The following SLC35F2 variants were observed in gnomAD, a reference collection of about 807,000 sequenced individuals.
SLC35F2 encodes queuine/queuosine transporter SLC35F2.
In SLC35F2, 25 loss-of-function variants were observed where a neutral mutation model predicts 38.1. That is an observed-to-expected ratio of 0.66 (90% CI 0.48 to 0.92). The LOEUF (loss-of-function observed/expected upper bound fraction) is 0.92. Ranked by LOEUF, SLC35F2 falls within the 40% of genes least tolerant of loss-of-function variation. SLC35F2 has a pLI of 0.00. For synonymous variants in SLC35F2, 173 were observed against 181.7 expected (o/e 0.95, Z 0.38); for missense variants, 409 against 452.9 (o/e 0.90, Z 0.88).
chr11:107,823,124 GACA>G, intron 1 of SLC35F2: 2 of 984,648 alleles, frequency 2.0e-6, no homozygotes, highest in African/African-American at 1.7e-5. Flanking sequence ...AAATAACACT[GACA>G]ACAAGACCCC....
intron 1 of SLC35F2, among the ~76,000 whole-genome samples, chr11:107,819,705 G>C (rs141202364): frequency 7.9e-5 from 12 of 152,312 alleles, no homozygotes; most frequent in Non-Finnish European, 1.6e-4. Flanking sequence ...CCAGCCATAT[G>C]CTTCTCTCAG....
chr11:107,797,100 C>T (rs1859230350), intron 7 of SLC35F2, among the ~76,000 whole-genome samples: 2 of 152,208 alleles, frequency 1.3e-5, no homozygotes, highest in South Asian at 4.1e-4. Context: ...GTCTCAAATA[C>T]TCTGACTTGT....
chr11:107,836,665 T>A (rs1032803984), intron 1 of SLC35F2, among the ~76,000 whole-genome samples: 3 of 152,176 alleles, frequency 2.0e-5, no homozygotes, highest in Non-Finnish European at 4.4e-5. Context: ...AGGCCAGGAA[T>A]TGATTCTCCC....
At chr11:107,794,269 C>T (rs1472047925) in intron 7 of SLC35F2, among the ~76,000 whole-genome samples, 4 of 151,854 alleles carry the variant, frequency 2.6e-5, no homozygotes, top group African/African-American at 9.7e-5. Flanking sequence ...TTGGTAGAGA[C>T]GGGGTTTCAC....
In SLC35F2 at chr11:107,802,988, T is replaced by C. The variant is rs1859336256; in HGVS notation, c.939+13A>G. The C allele has an allele frequency of 3.1e-6, 5 of 1,596,172 alleles. No individual in the cohort carries two copies. In the African/African-American group the frequency reaches 5.4e-5, roughly 17 times the overall value. On this transcript the variant is annotated intron_variant, in intron 7 of 7. Coordinates refer to ENST00000525815, the MANE Select transcript of SLC35F2 (RefSeq NM_017515.5). ...AGCAAGTATTCTTATTTGAACGTGA[T>C]CTATTTGTTTACCTTATAGCCAAAC...
chr11:107,858,572 G>C, intron 1 of SLC35F2, 86 bp downstream of exon 1: 1 of 1,178,474 alleles, frequency 8.5e-7, no homozygotes, highest in African/African-American at 1.6e-5. Context: ...GGGGGCCTCA[G>C]AGAGTGTGCT....
chr11:107,838,937 TC>T (rs1409728832), intron 1 of SLC35F2, among the ~76,000 whole-genome samples: 1 of 152,116 alleles, frequency 6.6e-6, no homozygotes, highest in Non-Finnish European at 1.5e-5. Flanking sequence ...CCGATAAGTT[TC>T]TCTTAAATAT....
rs776641932 is a variant in SLC35F2 at position 107,847,883 on chromosome 11, G to A, written c.110+10775C>T. Among the ~76,000 whole-genome samples, 30 of 152,316 alleles carry A rather than the reference G, an allele frequency of 2.0e-4. 1 individual carries two copies. The highest frequency in any genetic ancestry group is 6.8e-3 in the Middle Eastern group (2 of 294). On this transcript the variant is annotated intron_variant, in intron 1 of 7. Coordinates refer to ENST00000525815, the MANE Select transcript of SLC35F2 (RefSeq NM_017515.5). Reference sequence around the variant, plus strand: ...GTGAGAGAGGGACATTCTGGGAGGTGAGCCTGGAGAGGGAAGTGGGCCAGT... The same window carrying A: ...GTGAGAGAGGGACATTCTGGGAGGTAAGCCTGGAGAGGGAAGTGGGCCAGT...
At chr11:107,816,316 C>A (rs1859573895) in intron 1 of SLC35F2, 3 of 982,168 alleles carry the variant, frequency 3.1e-6, no homozygotes, top group Non-Finnish European at 3.6e-6. Flanking sequence ...GGGTCTTGTT[C>A]TATTGCTCAG....
intron 4 of SLC35F2, 64 bp from the exon 5 acceptor site, chr11:107,805,579 C>T: frequency 6.5e-7 from 1 of 1,545,848 alleles, no homozygotes; most frequent in Non-Finnish European, 8.7e-7. Context: ...CAGCGTGCCT[C>T]CAGGCGGTCA....
At chr11:107,814,600 T>G (rs1859537137) in intron 2 of SLC35F2, among the ~76,000 whole-genome samples, 1 of 152,156 alleles carries the variant, frequency 6.6e-6, no homozygotes, top group African/African-American at 2.4e-5. Context: ...GCATTGTACA[T>G]TTGTCAAAAC....
chr11:107,805,440 T>A lies in SLC35F2; in HGVS notation c.650A>T (p.Glu217Val). 1.2e-6 allele frequency: 2 copies of A among 1,614,148 alleles called. No homozygotes were observed. The highest frequency in any genetic ancestry group is 1.7e-6 in the Non-Finnish European group (2 of 1,180,022). ...SLYAISNVCE[E>V]YIVKKLSRQE... ...TCTGCTCAGCTTCTTCACGATGTAT[T>A]CCTCACAAACATTTGAAATGGCATA... Residue 217 changes from glutamate to valine, a missense_variant, in exon 5 of 8, where the codon GAA (glutamate) becomes GTA (valine). Transcript: ENST00000525815.
chr11:107,849,529 C>T (rs1185295360), intron 1 of SLC35F2, among the ~76,000 whole-genome samples: 2 of 151,812 alleles, frequency 1.3e-5, no homozygotes, highest in Non-Finnish European at 2.9e-5. Flanking sequence ...ATTCCAGCTA[C>T]TCAGGAGGCT....
intron 7 of SLC35F2, among the ~76,000 whole-genome samples, chr11:107,796,540 G>A (rs1213480120): frequency 6.6e-6 from 1 of 152,202 alleles, no homozygotes; most frequent in African/African-American, 2.4e-5. Flanking sequence ...AAGACAAATA[G>A]TGCATGTTTC....
At chr11:107,847,984 A>G (rs1320818370) in intron 1 of SLC35F2, among the ~76,000 whole-genome samples, 2 of 152,220 alleles carry the variant, frequency 1.3e-5, no homozygotes, top group Admixed American at 6.5e-5. Flanking sequence ...TTCCATTTAT[A>G]TGAAGTATCT....
At chr11:107,817,071 T>C (rs980366649) in intron 1 of SLC35F2, among the ~76,000 whole-genome samples, 6 of 151,924 alleles carry the variant, frequency 3.9e-5, no homozygotes, top group African/African-American at 1.5e-4. Flanking sequence ...TGAGGTTGAG[T>C]TCGAGACCAG....
In SLC35F2 at chr11:107,858,650, C is replaced by T. The variant is rs759142494; in HGVS notation, c.110+8G>A. The T allele has an allele frequency of 7.8e-7, 1 of 1,289,418 alleles. No individual in the cohort carries two copies. Among genetic ancestry groups the T allele is most frequent in the East Asian group, 2.9e-5 (1 of 34,632 alleles). The allele number at this position is 1,289,418 out of a possible 1,614,324, so 79.9% of individuals were successfully genotyped here. A position where few individuals can be genotyped will look rare whatever the true frequency, so the allele number is the denominator to read the frequency against. On this transcript the variant is annotated splice_region_variant and intron_variant, in intron 1 of 7. Transcript: ENST00000525815. ...CCAGCGGAGCTGCAGCACGCCCCTT[C>T]CACTCACCAGGTGAAGAGTTTGCCT...
At chr11:107,837,553 G>T (rs1294804899) in intron 1 of SLC35F2, among the ~76,000 whole-genome samples, 3 of 146,054 alleles carry the variant, frequency 2.1e-5, no homozygotes, top group Admixed American at 1.4e-4. Flanking sequence ...AATTAGCTGG[G>T]CATGGTTGCA....
chr11:107,817,628 C>G (rs1437094443), intron 1 of SLC35F2, among the ~76,000 whole-genome samples: 1 of 152,130 alleles, frequency 6.6e-6, no homozygotes, highest in Non-Finnish European at 1.5e-5. Flanking sequence ...GCAACCCACC[C>G]TCTGAATCTC....
Sources: allele counts gnomAD v4.1 joint callset (sites outside exome capture counted in the v4.1 genomes callset), GRCh38; gene constraint gnomAD v4.1.1; transcripts MANE v1.5; gene names NCBI Gene and HGNC (gene_info 2026-07-23, HGNC 2026-07-21).